Variants in CANX observed in about 807,000 individuals in gnomAD.
The protein encoded by CANX is epididymis secretory sperm binding protein.
Under a neutral mutation model 75.7 loss-of-function variants are expected in CANX, and 14 were observed. The ratio of observed to expected loss-of-function variants is 0.19; its 90% CI spans 0.12 to 0.29. The LOEUF (loss-of-function observed/expected upper bound fraction) is 0.29. CANX is among the 10% of genes least tolerant of loss of function. CANX has a pLI of 1.00. For synonymous variants in CANX, 227 were observed against 236.9 expected (o/e 0.96, Z 0.38); for missense variants, 567 against 713.2 (o/e 0.79, Z 2.34).
At chr5:179,692,642 C>T (rs1036052292) in intron 1 of CANX, among the ~76,000 whole-genome samples, 1 of 152,066 alleles carries the variant, frequency 6.6e-6, no homozygotes, top group Non-Finnish European at 1.5e-5. Flanking sequence ...ATCCACCTAC[C>T]TCAGCCTCCT....
upstream of CANX, chr5:179,698,711 C>G: frequency 1.2e-6 from 1 of 842,038 alleles, no homozygotes; most frequent in Admixed American, 2.4e-5. Flanking sequence ...GCCCGGCGGT[C>G]TCGATCCAGC....
Position 179,705,847 on chromosome 5 carries a change from C to T in CANX, c.166C>T (p.Pro56Ser), listed in dbSNP as rs764524851. 1 of 1,612,856 alleles carries T rather than the reference C, an allele frequency of 6.2e-7. No individual in the cohort carries two copies. The highest frequency in any genetic ancestry group is 8.5e-7 in the Non-Finnish European group (1 of 1,179,000). Residue 56 changes from proline (P) to serine (S), a missense_variant, in exon 2 of 15, where the codon CCC becomes TCC. Physicochemically the swap from Pro to Ser is moderately conservative, Grantham distance 74. This residue lies in a region of CANX where 351 missense variants were observed against 433.8 expected (regional missense o/e 0.81). Coordinates refer to ENST00000247461, the MANE Select transcript of CANX (RefSeq NM_001746.4). ...AGATACCACTGCTCCTCCTTCATCT[C>T]CCAAGGTTTGAAATGGTCTTTGAAT... ...KPDTTAPPSS[P>S]KVTYKAPVPT...
chr5:179,705,875 ATTCC>A (rs1562471210), intron 2 of CANX, 23 bp downstream of exon 2: 1 of 1,601,284 alleles, frequency 6.2e-7, no homozygotes, highest in South Asian at 1.1e-5. Flanking sequence ...CTTTGAATCT[ATTCC>A]TTTTACGTCT....
chr5:179,719,828 G>GTTT, intron 9 of CANX, 47 bp downstream of exon 9: 18 of 837,822 alleles, frequency 2.1e-5, no homozygotes, highest in South Asian at 3.7e-5. Context: ...TTTTTTGTTT[G>GTTT]TTTTTTTTTT....
chr5:179,696,705 T>C (rs1330336132), upstream of CANX, among the ~76,000 whole-genome samples: 1 of 152,220 alleles, frequency 6.6e-6, no homozygotes, highest in Non-Finnish European at 1.5e-5. Flanking sequence ...ATCTCCCTTT[T>C]CAGTATGAAA....
At chr5:179,722,294 T>G (rs1778363731) in intron 10 of CANX, among the ~76,000 whole-genome samples, 2 of 152,216 alleles carry the variant, frequency 1.3e-5, no homozygotes, top group Non-Finnish European at 2.9e-5. Flanking sequence ...GAAGTTGCCC[T>G]TTAGTTGTTC....
chr5:179,693,850 T>C (rs999183422), upstream of CANX, among the ~76,000 whole-genome samples: 1 of 152,014 alleles, frequency 6.6e-6, no homozygotes, highest in Non-Finnish European at 1.5e-5. Context: ...AAAAAAAAGT[T>C]TAATTTCACT....
intron 13 of CANX, 69 bp downstream of exon 13, chr5:179,724,852 A>C: frequency 6.6e-7 from 1 of 1,523,274 alleles, no homozygotes; most frequent in Non-Finnish European, 8.8e-7. Context: ...CTTTACAGTC[A>C]AGTTAAGGAT....
rs1054377244 is a variant in CANX, at chr5:179,730,554, G to C, written c.*1910G>C. ...ACCCTCCGTTGACAGTATATGTCAT[G>C]CCTCACTTTCTTCTAGCTGAGCTTT... On this transcript the variant is annotated 3_prime_UTR_variant, in exon 15 of 15. Transcript: ENST00000247461. The C allele has an allele frequency of 1.3e-5, 2 of 152,194 alleles. No homozygotes were observed. The highest frequency in any genetic ancestry group is 2.9e-5 in the Non-Finnish European group (2 of 68,032). 9.4% of individuals were successfully genotyped at this position (152,194 alleles called of 1,614,324 possible).
intron 10 of CANX, among the ~76,000 whole-genome samples, chr5:179,721,901 G>A (rs2113254114): frequency 6.6e-6 from 1 of 152,036 alleles, no homozygotes. Flanking sequence ...CATAGTATAT[G>A]TATATATACA....
intron 14 of CANX, among the ~76,000 whole-genome samples, chr5:179,726,968 C>A (rs1778711908): frequency 6.6e-6 from 1 of 152,130 alleles, no homozygotes; most frequent in Non-Finnish European, 1.5e-5. Context: ...ATCTTTTTAG[C>A]TGAAAATCAT....
chr5:179,714,895 G>T (rs948403464), intron 7 of CANX, among the ~76,000 whole-genome samples: 5 of 152,208 alleles, frequency 3.3e-5, no homozygotes, highest in Non-Finnish European at 5.9e-5. Flanking sequence ...CTCCCAAGTA[G>T]TTGGGTTTAC....
chr5:179,723,058 T>C (rs767846106), intron 11 of CANX, 39 bp downstream of exon 11: 3 of 1,533,072 alleles, frequency 2.0e-6, no homozygotes, highest in Non-Finnish European at 2.7e-6. Context: ...TCTGTTATTG[T>C]AAGGAGCTGT....
intron 1 of CANX, chr5:179,699,795 A>T (rs909477835): frequency 6.6e-6 from 1 of 152,282 alleles, no homozygotes; most frequent in African/African-American, 2.4e-5. Flanking sequence ...GCCCAAGGTC[A>T]TGCGATTAGT....
intron 4 of CANX, 62 bp from the exon 5 acceptor site, chr5:179,708,176 TG>T: frequency 7.1e-7 from 1 of 1,404,810 alleles, no homozygotes; most frequent in Non-Finnish European, 1.0e-6. Flanking sequence ...GTGTTTTTTT[TG>T]GCATTTAAAG....
intron 10 of CANX, 132 bp downstream of exon 10, chr5:179,720,692 C>A (rs564205416): frequency 1.3e-6 from 1 of 769,906 alleles, no homozygotes; most frequent in African/African-American, 1.7e-5. Flanking sequence ...AGTAGACTTC[C>A]TAAGTTGAAA....
At chr5:179,708,138 C>A (rs1777288663) in intron 4 of CANX, 101 bp from the exon 5 acceptor site, 5 of 934,768 alleles carry the variant, frequency 5.3e-6, no homozygotes, top group Non-Finnish European at 8.5e-6. Context: ...ACGGCTGCCC[C>A]AGTATAATAT....
At chr5:179,690,476 T>C (rs998652628) in intron 1 of CANX, among the ~76,000 whole-genome samples, 1 of 148,350 alleles carries the variant, frequency 6.7e-6, no homozygotes, top group Admixed American at 6.9e-5. Flanking sequence ...CTTGGGAGGC[T>C]GAGGCAGGAG....
chr5:179,693,694 C>T (rs1016763897), upstream of CANX, among the ~76,000 whole-genome samples: 1 of 151,192 alleles, frequency 6.6e-6, no homozygotes, highest in African/African-American at 2.4e-5. Flanking sequence ...AAAATAAAAA[C>T]TAGCCACGCA....
Sources: gnomAD v4.1 joint callset for allele counts (sites outside exome capture counted in the v4.1 genomes callset) on GRCh38, gnomAD v4.1.1 for gene constraint, gnomAD v4.1.1 regional missense constraint, MANE v1.5 for transcripts, NCBI Gene and HGNC (gene_info 2026-07-23, HGNC 2026-07-21) for gene names.